Variants in KLF8 observed in about 807,000 individuals in gnomAD.
KLF8 encodes Krueppel-like factor 8.
KLF8 carries 10 observed loss-of-function variants against 18.2 expected under a neutral mutation model. The ratio of observed to expected loss-of-function variants is 0.55; its 90% CI spans 0.34 to 0.93. KLF8 has a LOEUF of 0.93. Among genes scored for constraint, KLF8 ranks in the 40% least tolerant of loss-of-function variants. The pLI is 0.02. For missense variants in KLF8, 264 were observed against 277.9 expected (o/e 0.95, Z 0.36); for synonymous variants, 109 against 97.3 (o/e 1.12, Z -0.71).
the KLF8 span, among the ~76,000 whole-genome samples, chrX:55,937,256 G>A: frequency 8.0e-4 from 89 of 111,881 alleles, 1 homozygote; most frequent in South Asian, 0.033. Context: ...TGATACCCAG[G>A]CAAACAGGGT....
chrX:55,952,013 A>G, the KLF8 span, among the ~76,000 whole-genome samples: 2 of 112,338 alleles, frequency 1.8e-5, no homozygotes, highest in East Asian at 5.6e-4. Flanking sequence ...GAGTAAGATA[A>G]CAGTTAGTCC....
At chrX:56,080,274 C>T in the KLF8 span, among the ~76,000 whole-genome samples, 3 of 111,082 alleles carry the variant, frequency 2.7e-5, no homozygotes, top group Admixed American at 9.6e-5. Context: ...CATGATTTTG[C>T]AGTGGCTGGT....
the KLF8 span, among the ~76,000 whole-genome samples, chrX:56,168,429 A>T: frequency 8.9e-6 from 1 of 112,545 alleles, no homozygotes; most frequent in African/African-American, 3.2e-5. Flanking sequence ...AAGATATCCC[A>T]TGTCCATGGG....
At chrX:56,132,615 GAAGA>G in the KLF8 span, among the ~76,000 whole-genome samples, 1 of 110,449 alleles carries the variant, frequency 9.1e-6, no homozygotes, top group African/African-American at 3.3e-5. Context: ...CAGCAGAAGA[GAAGA>G]AAGAAAAACA....
chrX:55,947,799 T>C, the KLF8 span, among the ~76,000 whole-genome samples: 1 of 111,801 alleles, frequency 8.9e-6, no homozygotes, highest in Non-Finnish European at 1.9e-5. Flanking sequence ...TGTAGAAGAT[T>C]CTTATGTGTG....
rs1027898767 is a variant in KLF8, at chrX:56,290,074, G to A, written c.*5580G>A. 3.6e-5 allele frequency among the ~76,000 whole-genome samples: 4 copies of A among 111,715 alleles called. No individual in the cohort carries two copies. The highest frequency in any genetic ancestry group is 1.3e-4 in the African/African-American group (4 of 30,746). ...TGGGCCAAATTTAAATAAACACATAGCACTATCTTTTCTCACTGTTAAATA... is the reference window on the plus strand; with the variant it reads ...TGGGCCAAATTTAAATAAACACATAACACTATCTTTTCTCACTGTTAAATA... On this transcript the variant is annotated 3_prime_UTR_variant, in exon 6 of 6. Coordinates refer to ENST00000468660, the MANE Select transcript of KLF8 (RefSeq NM_007250.5).
chrX:55,962,070 T>C, the KLF8 span: 1 of 153,518 alleles, frequency 6.5e-6, no homozygotes, highest in Admixed American at 7.9e-5. Flanking sequence ...TTCACTGTGG[T>C]TTGCAAAGAT....
At chrX:56,231,270 G>A (rs963424313), upstream of KLF8, among the ~76,000 whole-genome samples, 5 of 111,926 alleles carry the variant, frequency 4.5e-5, no homozygotes, top group African/African-American at 1.6e-4. Flanking sequence ...AAGGAAGGTA[G>A]ATGAGATGCA....
At chrX:56,148,283 C>T in the KLF8 span, among the ~76,000 whole-genome samples, 1 of 111,199 alleles carries the variant, frequency 9.0e-6, no homozygotes, top group African/African-American at 3.3e-5. Context: ...CCTAATTCTT[C>T]CAATTATTCT....
the KLF8 span, among the ~76,000 whole-genome samples, chrX:56,194,704 G>A: frequency 8.9e-6 from 1 of 112,064 alleles, no homozygotes; most frequent in African/African-American, 3.2e-5. Context: ...GAAGAGCAGT[G>A]GTTCTCCAAG....
chrX:56,079,933 G>T, the KLF8 span, among the ~76,000 whole-genome samples: 1 of 110,741 alleles, frequency 9.0e-6, no homozygotes, highest in Admixed American at 9.6e-5. Flanking sequence ...GATCTTTGTT[G>T]GTTTAAAGTC....
the KLF8 span, among the ~76,000 whole-genome samples, chrX:56,164,676 C>T: frequency 9.8e-6 from 1 of 101,988 alleles, no homozygotes; most frequent in African/African-American, 3.5e-5. Flanking sequence ...TCTGTATGCC[C>T]ACTGTTCTGT....
At chrX:56,133,988 C>T in the KLF8 span, among the ~76,000 whole-genome samples, 1 of 109,916 alleles carries the variant, frequency 9.1e-6, no homozygotes, top group African/African-American at 3.3e-5. Flanking sequence ...AAGAAAACTA[C>T]AAAACACTGT....
In KLF8 at chrX:56,289,189, C is replaced by T. The variant is rs151237439; in HGVS notation, c.*4695C>T. 2.7e-3 allele frequency among the ~76,000 whole-genome samples: 297 copies of T among 111,580 alleles called. No individual in the cohort carries two copies. Among genetic ancestry groups the T allele is most frequent in the Non-Finnish European group, 4.6e-3 (243 of 53,153 alleles). The stretch of plus-strand genomic sequence containing the variant: ...AATACTACTACTTTATTTTATTGCT[C>T]GAATTGTTCCAGCTTTGGCCATTGG... On this transcript the variant is annotated 3_prime_UTR_variant, in exon 6 of 6. Coordinates refer to ENST00000468660, the MANE Select transcript of KLF8 (RefSeq NM_007250.5).
At chrX:55,970,107 C>T in the KLF8 span, among the ~76,000 whole-genome samples, 1 of 110,605 alleles carries the variant, frequency 9.0e-6, no homozygotes, top group African/African-American at 3.3e-5. Context: ...ATATCAAAGC[C>T]AGACAAAAAC....
At chrX:56,011,008 A>G in the KLF8 span, among the ~76,000 whole-genome samples, 1 of 112,330 alleles carries the variant, frequency 8.9e-6, no homozygotes, top group Non-Finnish European at 1.9e-5. Flanking sequence ...TTGGACTCCC[A>G]CACAATAATA....
Position 56,265,535 on chromosome X carries a change from C to T in KLF8, c.437C>T (p.Thr146Ile). ...GTTCTGACCCCAGGCTCTGTCCTGA[C>T]CTCCTCTCAGAGCACTGGTAGCCAG... ...PTVLTPGSVLTSSQSTGSQQI... is the reference protein window; with the variant it reads ...PTVLTPGSVLISSQSTGSQQI... The change falls in exon 3 of 6, where the codon ACC becomes ATC. Residue 146 changes from threonine (T) to isoleucine (I), a missense_variant. Physicochemically the swap from Thr to Ile is moderately conservative, Grantham distance 89. Around this residue, in one of 2 missense-constraint regions of KLF8, gnomAD observed 221 missense variants for 193.6 expected, o/e 1.14. Transcript: ENST00000468660. 1 of 1,211,339 alleles carries T rather than the reference C, an allele frequency of 8.3e-7. No homozygotes were observed. Among genetic ancestry groups the T allele is most frequent in the Non-Finnish European group, 1.1e-6 (1 of 894,887 alleles).
chrX:56,220,195 A>T, the KLF8 span, among the ~76,000 whole-genome samples: 1 of 112,323 alleles, frequency 8.9e-6, no homozygotes, highest in Admixed American at 9.4e-5. Flanking sequence ...CAGAATATAT[A>T]TTCCTATTCC....
the KLF8 span, among the ~76,000 whole-genome samples, chrX:56,144,818 A>G: frequency 1.9e-5 from 2 of 106,965 alleles, 1 homozygote; most frequent in Non-Finnish European, 3.9e-5. Context: ...TTTGAGATGG[A>G]GTCTCGCTCT....
Sources: gnomAD v4.1 joint callset for allele counts (sites outside exome capture counted in the v4.1 genomes callset) on GRCh38, gnomAD v4.1.1 for gene constraint, gnomAD v4.1.1 regional missense constraint, MANE v1.5 for transcripts, NCBI Gene and HGNC (gene_info 2026-07-23, HGNC 2026-07-21) for gene names.